The following PKD1L1 variants were observed in gnomAD, a reference collection of about 807,000 sequenced individuals.
The protein encoded by PKD1L1 is polycystin 1 like 1, transient receptor potential channel interacting.
Under a neutral mutation model 323.4 loss-of-function variants are expected in PKD1L1, and 236 were observed. The ratio of observed to expected loss-of-function variants is 0.73; its 90% CI spans 0.66 to 0.81. PKD1L1 has a LOEUF of 0.81. PKD1L1 is among the 40% of genes least tolerant of loss of function. PKD1L1 has a pLI of 0.00. For missense variants in PKD1L1, 3,320 were observed against 3,508.0 expected (o/e 0.95, Z 1.35); for synonymous variants, 1,344 against 1,335.0 (o/e 1.01, Z -0.15).
At position 47,879,616 on chromosome 7, in the gene PKD1L1, G is replaced by C. The variant is rs10249428; in HGVS notation, c.3520+1112C>G. On this transcript the variant is annotated intron_variant, in intron 21 of 56. Coordinates refer to ENST00000289672, the MANE Select transcript of PKD1L1 (RefSeq NM_138295.5). The stretch of plus-strand genomic sequence containing the variant: ...CCTCTGCACTCCAGCCTGGGCAACA[G>C]AGCAAGACTTTGTCTCAAAAAAAAA... Among the ~76,000 whole-genome samples, 410 of 125,894 alleles carry C rather than the reference G, an allele frequency of 3.3e-3. 2 individuals carry two copies. The highest frequency in any genetic ancestry group is 0.012 in the African/African-American group (352 of 30,414). 82.6% of individuals were successfully genotyped at this position (125,894 alleles called of 152,430 possible). A position where few individuals can be genotyped will look rare whatever the true frequency, so the allele number is the denominator to read the frequency against.
chr7:47,880,271 TATATATA>T (rs1786516610), intron 21 of PKD1L1, among the ~76,000 whole-genome samples: 1 of 78,040 alleles, frequency 1.3e-5, no homozygotes, highest in Non-Finnish European at 2.4e-5. Flanking sequence ...TATACATATA[TATATATA>T]TATATATTTT....
At chr7:47,942,249 C>T in intron 2 of PKD1L1, among the ~76,000 whole-genome samples, 1 of 152,166 alleles carries the variant, frequency 6.6e-6, no homozygotes, top group East Asian at 1.9e-4. Flanking sequence ...CCTGATAAAG[C>T]TTTCTTCCCT....
In PKD1L1 at chr7:47,873,909, C is replaced by G; in HGVS notation, c.3886G>C (p.Gly1296Arg). The change falls in exon 24 of 57, where the codon GGC (glycine) becomes CGC (arginine). Residue 1296 changes from glycine to arginine, a missense_variant. Physicochemically the swap from Gly to Arg is moderately radical, Grantham distance 125. Transcript: ENST00000289672. ...CATTGTGTTACTCACAGGTCCTCGC[C>G]CAGACAGTCATTTCCATGGTAGCGG... ...LPRYHGNDCL[G>R]EDLYNSSLKN... 1 of 1,613,334 alleles carries G rather than the reference C, an allele frequency of 6.2e-7. No homozygotes were observed. Among genetic ancestry groups the G allele is most frequent in the African/African-American group, 1.3e-5 (1 of 74,980 alleles).
chr7:47,834,278 A>G (rs562484708), intron 40 of PKD1L1, 61 bp downstream of exon 40: 1 of 1,537,280 alleles, frequency 6.5e-7, no homozygotes, highest in Admixed American at 1.7e-5. Flanking sequence ...GATGCCAGAG[A>G]AATCTAATTG....
At position 47,843,046 on chromosome 7, in the gene PKD1L1, C is replaced by T. The variant is rs772264441; in HGVS notation, c.5361G>A (p.Leu1787=). ...HEKKKAGYIF[L]QEASLPGHQL... ...GATGGCCCGGCAGGGAAGCTTCTTG[C>T]AGAAAGATGTAACCAGCTTTCTTTT... Residue 1787 remains leucine (L), a synonymous_variant, in exon 34 of 57, where the codon CTG becomes CTA. Coordinates refer to ENST00000289672, the MANE Select transcript of PKD1L1 (RefSeq NM_138295.5). 1 of 1,613,984 alleles carries T rather than the reference C, an allele frequency of 6.2e-7. No individual in the cohort carries two copies. Among genetic ancestry groups the T allele is most frequent in the Non-Finnish European group, 8.5e-7 (1 of 1,179,912 alleles).
intron 47 of PKD1L1, among the ~76,000 whole-genome samples, chr7:47,814,982 AG>A (rs1422932716): frequency 1.3e-5 from 2 of 152,072 alleles, no homozygotes; most frequent in Admixed American, 1.3e-4. Context: ...TTTCCTTGTC[AG>A]GGTATTTTGC....
At chr7:47,785,147 G>C (rs563396148) in intron 56 of PKD1L1, among the ~76,000 whole-genome samples, 5 of 152,082 alleles carry the variant, frequency 3.3e-5, no homozygotes, top group Non-Finnish European at 7.4e-5. Context: ...GAACTATGGG[G>C]TGCATTCTTC....
At chr7:47,785,728 G>A (rs947045437) in intron 56 of PKD1L1, among the ~76,000 whole-genome samples, 5 of 150,856 alleles carry the variant, frequency 3.3e-5, no homozygotes, top group African/African-American at 7.3e-5. Context: ...TGTTCAGGCC[G>A]AGTTGATATT....
chr7:47,891,168 T>C (rs560532870), intron 15 of PKD1L1, among the ~76,000 whole-genome samples: 1 of 152,272 alleles, frequency 6.6e-6, no homozygotes, highest in Non-Finnish European at 1.5e-5. Context: ...CAGACAAGAA[T>C]GCTATGTGAG....
intron 21 of PKD1L1, among the ~76,000 whole-genome samples, chr7:47,880,167 TAG>T (rs56742103): frequency 9.2e-4 from 123 of 133,058 alleles, no homozygotes; most frequent in Middle Eastern, 8.1e-3. Context: ...AGGGTTTAAA[TAG>T]AGAGAGAGAG....
intron 45 of PKD1L1, 41 bp from the exon 46 acceptor site, chr7:47,821,227 G>A (rs1300656538): frequency 1.6e-6 from 2 of 1,247,936 alleles, no homozygotes; most frequent in East Asian, 2.3e-5. Flanking sequence ...TACAGACCCT[G>A]TATGTAGGTA....
At chr7:47,868,603 T>C (rs1786216140) in intron 24 of PKD1L1, among the ~76,000 whole-genome samples, 1 of 152,182 alleles carries the variant, frequency 6.6e-6, no homozygotes. Flanking sequence ...TGGCCAGGCG[T>C]GGTGGCTCAT....
chr7:47,939,078 C>G (rs1004368019), intron 3 of PKD1L1, among the ~76,000 whole-genome samples: 1 of 152,172 alleles, frequency 6.6e-6, no homozygotes, highest in Non-Finnish European at 1.5e-5. Flanking sequence ...ATCACCTCCC[C>G]TCTAAAACAC....
chr7:47,794,902 C>T (rs1316728509), intron 55 of PKD1L1, among the ~76,000 whole-genome samples: 1 of 152,126 alleles, frequency 6.6e-6, no homozygotes, highest in Non-Finnish European at 1.5e-5. Flanking sequence ...GGCCTGTAAC[C>T]CCTTGGTTTT....
chr7:47,812,562 C>G (rs1167688007), intron 49 of PKD1L1, among the ~76,000 whole-genome samples: 1 of 152,180 alleles, frequency 6.6e-6, no homozygotes, highest in Non-Finnish European at 1.5e-5. Context: ...TGCTCTAAGA[C>G]CATCCGTGTT....
At chr7:47,847,311 A>G (rs991421479) in intron 31 of PKD1L1, among the ~76,000 whole-genome samples, 6 of 152,154 alleles carry the variant, frequency 3.9e-5, no homozygotes, top group Admixed American at 3.3e-4. Context: ...GAGAATTGGG[A>G]AGAAAAACAG....
In PKD1L1 at chr7:47,839,840, G is replaced by C. The variant is rs1295891779; in HGVS notation, c.5553-178C>G. Among the ~76,000 whole-genome samples, 1 of 152,196 alleles carries C rather than the reference G, an allele frequency of 6.6e-6. No individual in the cohort carries two copies. The highest frequency in any genetic ancestry group is 1.5e-5 in the Non-Finnish European group (1 of 68,034). On this transcript the variant is annotated intron_variant, in intron 35 of 56. Transcript: ENST00000289672. The surrounding 1 kb of genome is among the most constrained non-coding windows in gnomAD (Gnocchi z 4.3). ...GCCCCCTGGAACCCGGCCAGAGGATGGGAAATCCCACCGAGCACAGTGACC... is the reference window on the plus strand; with the variant it reads ...GCCCCCTGGAACCCGGCCAGAGGATCGGAAATCCCACCGAGCACAGTGACC...
At chr7:47,800,437 C>A (rs978383647) in intron 54 of PKD1L1, among the ~76,000 whole-genome samples, 1 of 152,136 alleles carries the variant, frequency 6.6e-6, no homozygotes, top group African/African-American at 2.4e-5. Flanking sequence ...TGGCTGCTCT[C>A]GTGCTGGACT....
intron 37 of PKD1L1, among the ~76,000 whole-genome samples, chr7:47,835,460 G>C (rs1177497151): frequency 6.6e-6 from 1 of 152,128 alleles, no homozygotes; most frequent in African/African-American, 2.4e-5. Flanking sequence ...GAGTGCAGTG[G>C]CAAGATCTTG....
Sources: gnomAD v4.1 joint callset for allele counts (sites outside exome capture counted in the v4.1 genomes callset) on GRCh38, gnomAD v4.1.1 for gene constraint, Gnocchi (gnomAD v3.1) non-coding constraint, MANE v1.5 for transcripts, NCBI Gene and HGNC (gene_info 2026-07-23, HGNC 2026-07-21) for gene names.